NOS1: variants seen among roughly 807,000 people sequenced by gnomAD.
The protein encoded by NOS1 is nitric oxide synthase 1, also known as NOS type I.
A neutral mutation model predicts 164.5 loss-of-function variants in NOS1; 51 were observed. The ratio of observed to expected loss-of-function variants is 0.31; its 90% CI spans 0.25 to 0.39. The LOEUF (loss-of-function observed/expected upper bound fraction) is 0.39. NOS1 is among the 10% of genes least tolerant of loss of function. The probability of loss-of-function intolerance (pLI) is 1.00; values close to 1 mark genes in which losing one functional copy is unlikely to be tolerated. For synonymous variants in NOS1, 719 were observed against 745.8 expected (o/e 0.96, Z 0.59); for missense variants, 1,362 against 1,885.6 (o/e 0.72, Z 5.14).
In NOS1 at chr12:117,209,957, C is replaced by A; in HGVS notation, c.*5352G>T. On this transcript the variant is annotated 3_prime_UTR_variant, in exon 29 of 29. Transcript: ENST00000317775. ...ACCCTCAGACCTGTGTTTCCTTAAT[C>A]CCAGCACCTGGTCTTTCATTTTAAT... The A allele has an allele frequency of 1.0e-6, 1 of 985,524 alleles. No homozygotes were observed. Among genetic ancestry groups the A allele is most frequent in the Non-Finnish European group, 1.2e-6 (1 of 830,058 alleles). The allele number at this position is 985,524 out of a possible 1,614,324, so 61.0% of individuals were successfully genotyped here.
rs750106555 is a variant in NOS1 at position 117,259,144 on chromosome 12, G to A, written c.2368-14C>T. On this transcript the variant is annotated splice_polypyrimidine_tract_variant and intron_variant, in intron 14 of 28. Coordinates refer to ENST00000317775, the MANE Select transcript of NOS1 (RefSeq NM_000620.5). Reference sequence around the variant, plus strand: ...CATGGACATCACCTAGGTGGGCAGGGCACAGGTATAGGATGGGGAGAGGAA... The same window carrying A: ...CATGGACATCACCTAGGTGGGCAGGACACAGGTATAGGATGGGGAGAGGAA... The A allele has an allele frequency of 3.8e-6, 6 of 1,576,222 alleles. No homozygotes were observed. The highest frequency in any genetic ancestry group is 3.3e-5 in the South Asian group (3 of 90,162).
At chr12:117,301,955 G>A (rs1873839802) in intron 3 of NOS1, 1 of 456,638 alleles carries the variant, frequency 2.2e-6, no homozygotes, top group Non-Finnish European at 4.4e-6. Context: ...TCTGTGCCAG[G>A]CCCTGTAGAG....
chr12:117,358,512 G>A lies in NOS1; in HGVS notation c.-421+3000C>T, dbSNP rs1384870. Among the ~76,000 whole-genome samples, 309 of 152,252 alleles carry A rather than the reference G, an allele frequency of 2.0e-3. 1 individual carries two copies. The highest frequency in any genetic ancestry group is 7.1e-3 in the African/African-American group (293 of 41,548). ...CATGGGACACTCTTCCCTCTGTTTC[G>A]GGTTCCCTTCCTTCCTTACAATCAC... On this transcript the variant is annotated intron_variant, in intron 1 of 28. Coordinates refer to ENST00000317775, the MANE Select transcript of NOS1 (RefSeq NM_000620.5).
chr12:117,219,288 G>A (rs1440163512), intron 27 of NOS1, among the ~76,000 whole-genome samples: 1 of 142,938 alleles, frequency 7.0e-6, no homozygotes, highest in Non-Finnish European at 1.5e-5. Flanking sequence ...GCCATTTTTT[G>A]TTTTGTTTTG....
intron 1 of NOS1, among the ~76,000 whole-genome samples, chr12:117,342,329 T>C (rs1289815473): frequency 1.3e-5 from 2 of 152,040 alleles, no homozygotes; most frequent in Non-Finnish European, 2.9e-5. Context: ...GAGATTAATA[T>C]TAGTGATAAA....
At chr12:117,279,064 T>G (rs1566055363) in intron 8 of NOS1, among the ~76,000 whole-genome samples, 1 of 151,920 alleles carries the variant, frequency 6.6e-6, no homozygotes, top group Non-Finnish European at 1.5e-5. Context: ...TGTATCCATA[T>G]TATTACTATT....
In NOS1 at chr12:117,285,291, G is replaced by T; in HGVS notation, c.1332C>A (p.Phe444Leu). 6.2e-7 allele frequency: 1 copy of T among 1,611,304 alleles called. No homozygotes were observed. Among genetic ancestry groups the T allele is most frequent in the South Asian group, 1.1e-5 (1 of 90,864 alleles). Residue 444 changes from phenylalanine to leucine, a missense_variant, in exon 7 of 29, where the codon TTC (phenylalanine) becomes TTA (leucine). By Grantham distance (22) the Phe-to-Leu change is conservative. Transcript: ENST00000317775. ...ACTTGACATGGTTACAGATGTAGTTGAACATCCCGTGGGCCGTGGTGCAGT... is the reference window on the plus strand; with the variant it reads ...ACTTGACATGGTTACAGATGTAGTTTAACATCCCGTGGGCCGTGGTGCAGT... ...ARDCTTAHGM[F>L]NYICNHVKYA...
At chr12:117,286,330 G>C in intron 5 of NOS1, 64 bp from the exon 6 acceptor site, 1 of 1,554,226 alleles carries the variant, frequency 6.4e-7, no homozygotes, top group Non-Finnish European at 8.8e-7. Flanking sequence ...TTAGTGGAAG[G>C]GGAGAGCTAT....
chr12:117,270,075 C>G (rs1456138954), intron 10 of NOS1, among the ~76,000 whole-genome samples: 3 of 152,164 alleles, frequency 2.0e-5, no homozygotes, highest in Non-Finnish European at 4.4e-5. Flanking sequence ...GGCAAAATTA[C>G]TTGCAAAAAA....
chr12:117,360,341 T>C (rs879748501), intron 1 of NOS1, among the ~76,000 whole-genome samples: 1 of 152,132 alleles, frequency 6.6e-6, no homozygotes, highest in Non-Finnish European at 1.5e-5. Flanking sequence ...GCAAGGCCCC[T>C]GAGTGGCCCT....
intron 3 of NOS1, among the ~76,000 whole-genome samples, chr12:117,297,573 G>A (rs1172985544): frequency 2.6e-5 from 4 of 152,108 alleles, no homozygotes; most frequent in Non-Finnish European, 5.9e-5. Context: ...TGTAGTTTTA[G>A]TGGAGATGGG....
chr12:117,303,299 C>G (rs139263318), intron 3 of NOS1, among the ~76,000 whole-genome samples: 4 of 152,178 alleles, frequency 2.6e-5, no homozygotes, highest in Admixed American at 1.3e-4. Context: ...GCCTGTCCCC[C>G]ACCTTTCTCA....
In NOS1 at chr12:117,227,943, A is replaced by T. The variant is rs551900375; in HGVS notation, c.3406-302T>A. Among the ~76,000 whole-genome samples, 246 of 152,078 alleles carry T rather than the reference A, an allele frequency of 1.6e-3. 1 individual carries two copies. The highest frequency in any genetic ancestry group is 3.2e-3 in the Non-Finnish European group (216 of 67,982). On this transcript the variant is annotated intron_variant, in intron 22 of 28. Transcript: ENST00000317775. ...TTTCTTGGGAGGATGAGGTGGGAGG[A>T]CTGCTTGAGTTCAGGTGCTTGAGGC... is the stretch of plus-strand genomic sequence containing the variant.
In NOS1 at chr12:117,253,683, T is replaced by C; in HGVS notation, c.2603A>G (p.Asp868Gly). 1.9e-6 allele frequency: 3 copies of C among 1,613,986 alleles called. No homozygotes were observed. In the South Asian group the frequency reaches 3.3e-5, roughly 18 times the overall value. Residue 868 changes from aspartate to glycine, a missense_variant, in exon 17 of 29, where the codon GAC (aspartate) becomes GGC (glycine). By Grantham distance (94) the Asp-to-Gly change is moderately conservative (BLOSUM62 -1). Around this residue, in one of 4 missense-constraint regions of NOS1, gnomAD observed 737 missense variants for 1,030.3 expected, o/e 0.72. Transcript: ENST00000317775. Reference sequence around the variant, plus strand: ...AGCACTCTCAAAGTTGTCTCTGAGGTCGGGCCCATCGCCTGATGATTTTTG... The same window carrying C: ...AGCACTCTCAAAGTTGTCTCTGAGGCCGGGCCCATCGCCTGATGATTTTTG... ...DSQKSSGDGPDLRDNFESAGP... is the reference protein window; with the variant it reads ...DSQKSSGDGPGLRDNFESAGP...
At position 117,272,369 on chromosome 12, in the gene NOS1, C is replaced by A; in HGVS notation, c.1839+16G>T. 6 of 1,613,940 alleles carry A rather than the reference C, an allele frequency of 3.7e-6. No individual in the cohort carries two copies. Among genetic ancestry groups the A allele is most frequent in the Non-Finnish European group, 5.1e-6 (6 of 1,179,910 alleles). On this transcript the variant is annotated intron_variant, in intron 10 of 28. Transcript: ENST00000317775. This position sits in a 1 kb window ranked among gnomAD's most constrained non-coding sequence, Gnocchi z 4.3. ...CTATGTGCTTTTCCCCTGTGGTGAC[C>A]AGAGAGGGCCCTTACCTCCAGGATA...
At chr12:117,274,223 C>T (rs1372394459) in intron 9 of NOS1, among the ~76,000 whole-genome samples, 1 of 152,164 alleles carries the variant, frequency 6.6e-6, no homozygotes, top group Non-Finnish European at 1.5e-5. Flanking sequence ...TGCTCAGCTT[C>T]ACTCAACATC....
chr12:117,310,083 T>TAATTTTTGGTAA, intron 3 of NOS1, among the ~76,000 whole-genome samples: 1 of 151,698 alleles, frequency 6.6e-6, no homozygotes, highest in South Asian at 2.1e-4. Flanking sequence ...ATTTTTGTTA[T>TAATTTTTGGTAA]TTTTTTTAGA....
At chr12:117,215,952 G>C (rs953681632) in intron 28 of NOS1, among the ~76,000 whole-genome samples, 1 of 145,590 alleles carries the variant, frequency 6.9e-6, no homozygotes, top group Non-Finnish European at 1.5e-5. Flanking sequence ...ATCTCGGCTG[G>C]CTGCAACCTC....
At chr12:117,288,015 T>A in intron 5 of NOS1, 59 bp downstream of exon 5, 2 of 1,602,466 alleles carry the variant, frequency 1.2e-6, no homozygotes, top group Non-Finnish European at 1.7e-6. Flanking sequence ...GGGGCTGACA[T>A]CTTTCTCTCC....
Sources: gnomAD v4.1 joint callset for allele counts (sites outside exome capture counted in the v4.1 genomes callset) on GRCh38, gnomAD v4.1.1 for gene constraint, gnomAD v4.1.1 regional missense constraint, Gnocchi (gnomAD v3.1) non-coding constraint, MANE v1.5 for transcripts, NCBI Gene and HGNC (gene_info 2026-07-23, HGNC 2026-07-21) for gene names.